Variants in SHH observed in about 807,000 individuals in gnomAD.
SHH encodes the protein sonic hedgehog signaling molecule.
Under a neutral mutation model 16.6 loss-of-function variants are expected in SHH, and 3 were observed. The ratio of observed to expected loss-of-function variants is 0.18; its 90% CI spans 0.08 to 0.47. The LOEUF (loss-of-function observed/expected upper bound fraction) is 0.47. Among genes scored for constraint, SHH ranks in the 20% least tolerant of loss-of-function variants. The pLI is 0.98. For synonymous variants in SHH, 351 were observed against 316.2 expected (o/e 1.11, Z -1.17); for missense variants, 499 against 665.0 (o/e 0.75, Z 2.75).
In SHH at chr7:155,812,303, C is replaced by T. The variant is rs945500832; in HGVS notation, c.-181G>A. 1.5e-6 allele frequency: 1 copy of T among 652,758 alleles called. No homozygotes were observed. The highest frequency in any genetic ancestry group is 2.7e-6 in the Non-Finnish European group (1 of 365,700). The allele number at this position is 652,758 out of a possible 1,614,324, so 40.4% of individuals were successfully genotyped here. On this transcript the variant is annotated 5_prime_UTR_variant, in exon 1 of 3. Coordinates refer to ENST00000297261, the MANE Select transcript of SHH (RefSeq NM_000193.4). ...TCTCTTCCTATATAACCTTGCCCGC[C>T]GCGGCTGCGGGGGACTCTCCACCGC...
At chr7:155,808,225 T>G (rs1200569868) in intron 1 of SHH, among the ~76,000 whole-genome samples, 2 of 152,070 alleles carry the variant, frequency 1.3e-5, no homozygotes, top group Non-Finnish European at 2.9e-5. Context: ...GAACGCGTTT[T>G]ACATGAAAAT....
In SHH at chr7:155,800,958, C is replaced by A. The variant is rs1459336803; in HGVS notation, c.*1942G>T. 4.3e-6 allele frequency: 1 copy of A among 230,640 alleles called. No homozygotes were observed. Among genetic ancestry groups the A allele is most frequent in the Admixed American group, 5.0e-5 (1 of 20,130 alleles). 14.3% of individuals were successfully genotyped at this position (230,640 alleles called of 1,614,324 possible). On this transcript the variant is annotated 3_prime_UTR_variant, in exon 3 of 3. Transcript: ENST00000297261. ...CTCATGCAGCGCAACTCTTCCAAGGCCCAGCCTGCTCAGACGATTCGGCCC... is the reference window on the plus strand; with the variant it reads ...CTCATGCAGCGCAACTCTTCCAAGGACCAGCCTGCTCAGACGATTCGGCCC...
intron 1 of SHH, chr7:155,806,925 G>A: frequency 3.0e-6 from 1 of 328,456 alleles, no homozygotes; most frequent in Non-Finnish European, 5.9e-6. Context: ...CACCCTCTGG[G>A]ATACCCGCCC....
At position 155,811,885 on chromosome 7, in the gene SHH, A is replaced by G; in HGVS notation, c.238T>C (p.Tyr80His). 1 of 1,614,012 alleles carries G rather than the reference A, an allele frequency of 6.2e-7. No homozygotes were observed. The highest frequency in any genetic ancestry group is 8.5e-7 in the Non-Finnish European group (1 of 1,180,000). The change falls in exon 1 of 3, where the codon TAC becomes CAC. Residue 80 changes from tyrosine to histidine, a missense_variant. Physicochemically the swap from Tyr to His is moderately conservative, Grantham distance 83 (BLOSUM62 2). Transcript: ENST00000297261. ...SERFKELTPN[Y>H]NPDIIFKDEE... ...TCCTTAAATATGATGTCGGGGTTGT[A>G]ATTGGGGGTGAGTTCCTTAAATCGC...
Position 155,802,886 on chromosome 7 carries a change from C to G in SHH, c.*14G>C. On this transcript the variant is annotated 3_prime_UTR_variant, in exon 3 of 3. Coordinates refer to ENST00000297261, the MANE Select transcript of SHH (RefSeq NM_000193.4). Reference sequence around the variant, plus strand: ...CCCCGCCCCCTCCCGCGCCCCTCCCCCGGCCCCCCGGCTTCAGCTGGACTT... The same window carrying G: ...CCCCGCCCCCTCCCGCGCCCCTCCCGCGGCCCCCCGGCTTCAGCTGGACTT... The G allele has an allele frequency of 7.5e-7, 1 of 1,327,774 alleles. No individual in the cohort carries two copies. The highest frequency in any genetic ancestry group is 9.7e-7 in the Non-Finnish European group (1 of 1,029,304). 82.2% of individuals were successfully genotyped at this position (1,327,774 alleles called of 1,614,324 possible).
Position 155,803,282 on chromosome 7 carries a change from G to A in SHH, c.1007C>T (p.Thr336Ile), listed in dbSNP as rs1160486091. Residue 336 changes from threonine (T) to isoleucine (I), a missense_variant, in exon 3 of 3, where the codon ACC becomes ATC. Transcript: ENST00000297261. ...RLLPAAVHSV[T>I]LSEEAAGAYA... ...GGCGCCCGCGGCCTCCTCGCTTAGG[G>A]TCACGCTGTGCACAGCGGCGGGCAG... 1.3e-6 allele frequency: 2 copies of A among 1,500,282 alleles called. No individual in the cohort carries two copies. Among genetic ancestry groups the A allele is most frequent in the African/African-American group, 1.4e-5 (1 of 69,184 alleles). 92.9% of individuals were successfully genotyped at this position (1,500,282 alleles called of 1,614,324 possible).
chr7:155,804,728 TCTGAGGCTCA>T (rs1170191793), intron 2 of SHH, among the ~76,000 whole-genome samples: 1 of 152,104 alleles, frequency 6.6e-6, no homozygotes, highest in Non-Finnish European at 1.5e-5. Context: ...TCTGTCGCTC[TCTGAGGCTCA>T]CTGTCCCCAG....
At position 155,803,086 on chromosome 7, in the gene SHH, G is replaced by C; in HGVS notation, c.1203C>G (p.Ser401Arg). 7.4e-7 allele frequency: 1 copy of C among 1,352,582 alleles called. No homozygotes were observed. The highest frequency in any genetic ancestry group is 9.5e-7 in the Non-Finnish European group (1 of 1,052,834). 83.8% of individuals were successfully genotyped at this position (1,352,582 alleles called of 1,614,324 possible). ...APARTDRGGD[S>R]GGGDRGGGGG... ...CGCCGCCCCCGCGGTCCCCGCCGCC[G>C]CTGTCCCCGCCGCGGTCCGTGCGCG... The change falls in exon 3 of 3, where the codon AGC (serine) becomes AGG (arginine). Residue 401 changes from serine to arginine, a missense_variant. This residue lies in a region of SHH where 299 missense variants were observed against 301.1 expected (regional missense o/e 0.99). Coordinates refer to ENST00000297261, the MANE Select transcript of SHH (RefSeq NM_000193.4).
chr7:155,803,454 C>A lies in SHH; in HGVS notation c.835G>T (p.Asp279Tyr), dbSNP rs1803256649. Residue 279 changes from aspartate (D) to tyrosine (Y), a missense_variant, in exon 3 of 3, where the codon GAC (aspartate) becomes TAC (tyrosine). By Grantham distance (160) the Asp-to-Tyr change is radical. This residue lies in a region of SHH where 299 missense variants were observed against 301.1 expected (regional missense o/e 0.99). Transcript: ENST00000297261. ...AHLLFVAPHN[D>Y]SATGEPEASS... is the part of the protein sequence containing the mutation. ...GCCTCGGGCTCCCCGGTGGCCGAGT[C>A]GTTGTGCGGCGCCACAAAGAGCAGG... 2.6e-6 allele frequency: 4 copies of A among 1,546,788 alleles called. No individual in the cohort carries two copies. Among genetic ancestry groups the A allele is most frequent in the Non-Finnish European group, 2.6e-6 (3 of 1,150,902 alleles).
rs1803236636 is a variant in SHH at position 155,803,073 on chromosome 7, G to T, written c.1216C>A (p.Arg406Ser). ...GCTACTCTGCCGCCGCCGCCCCCGC[G>T]GTCCCCGCCGCCGCTGTCCCCGCCG... Reference protein sequence around the residue: ...DRGGDSGGGDRGGGGGRVALT... With the variant: ...DRGGDSGGGDSGGGGGRVALT... Residue 406 changes from arginine to serine, a missense_variant, in exon 3 of 3, where the codon CGC (arginine) becomes AGC (serine). Physicochemically the swap from Arg to Ser is moderately radical, Grantham distance 110. This residue lies in a region of SHH where 299 missense variants were observed against 301.1 expected (regional missense o/e 0.99). Transcript: ENST00000297261. 7.3e-7 allele frequency: 1 copy of T among 1,373,572 alleles called. No individual in the cohort carries two copies. 85.1% of individuals were successfully genotyped at this position (1,373,572 alleles called of 1,614,324 possible).
intron 1 of SHH, 45 bp from the exon 2 acceptor site, chr7:155,806,602 G>T: frequency 6.2e-7 from 1 of 1,610,018 alleles, no homozygotes; most frequent in Non-Finnish European, 8.5e-7. Context: ...GTTAGCCTGG[G>T]CAACCGCCAC....
Position 155,800,394 on chromosome 7 carries a change from C to T in SHH, c.*2506G>A, listed in dbSNP as rs1422430550. On this transcript the variant is annotated 3_prime_UTR_variant, in exon 3 of 3. Coordinates refer to ENST00000297261, the MANE Select transcript of SHH (RefSeq NM_000193.4). ...CCACCCAGGAGTGAGGATTTCCCAT[C>T]CGGGTGAAGCTCTGCTCCAAGGTGC... is the stretch of plus-strand genomic sequence containing the variant. 5.2e-6 allele frequency: 2 copies of T among 386,418 alleles called. No homozygotes were observed. The highest frequency in any genetic ancestry group is 3.9e-5 in the South Asian group (2 of 51,586). The allele number at this position is 386,418 out of a possible 1,614,324, so 23.9% of individuals were successfully genotyped here.
chr7:155,809,483 C>G lies in SHH; in HGVS notation c.300+2340G>C, dbSNP rs2117146894. 6.6e-6 allele frequency among the ~76,000 whole-genome samples: 1 copy of G among 152,224 alleles called. No individual in the cohort carries two copies. The highest frequency in any genetic ancestry group is 2.1e-4 in the South Asian group (1 of 4,830). ...CTTCCCCATCCCTTCCTCCCCCACC[C>G]TTAACTCCTGGAATCGGGAGAAGGA... On this transcript the variant is annotated intron_variant, in intron 1 of 2. Transcript: ENST00000297261. The surrounding 1 kb of genome is among the most constrained non-coding windows in gnomAD (Gnocchi z 6.1).
In SHH at chr7:155,800,182, G is replaced by A; in HGVS notation, c.*2718C>T. On this transcript the variant is annotated 3_prime_UTR_variant, in exon 3 of 3. Transcript: ENST00000297261. ...GAAGTCGGCGCCTCGTCCTGGCGGGGCTGGGCTGCACCCTCTTGATGCCCT... is the reference window on the plus strand; with the variant it reads ...GAAGTCGGCGCCTCGTCCTGGCGGGACTGGGCTGCACCCTCTTGATGCCCT... The A allele has an allele frequency of 2.1e-6, 1 of 471,218 alleles. No homozygotes were observed. The highest frequency in any genetic ancestry group is 4.4e-6 in the Non-Finnish European group (1 of 227,096). The allele number at this position is 471,218 out of a possible 1,614,324, so 29.2% of individuals were successfully genotyped here.
At position 155,806,449 on chromosome 7, in the gene SHH, C is replaced by T. The variant is rs1803364772; in HGVS notation, c.409G>A (p.Glu137Lys). 1 of 1,613,770 alleles carries T rather than the reference C, an allele frequency of 6.2e-7. No homozygotes were observed. The highest frequency in any genetic ancestry group is 1.7e-5 in the Admixed American group (1 of 60,014). ...GWDEDGHHSE[E>K]SLHYEGRAVD... ...GCGCGGCCCTCGTAGTGCAGAGACT[C>T]CTCTGAGTGGTGGCCATCTTCGTCC... The change falls in exon 2 of 3, where the codon GAG becomes AAG. Residue 137 changes from glutamate to lysine, a missense_variant. Around this residue, in one of 4 missense-constraint regions of SHH, gnomAD observed 114 missense variants for 200.4 expected, o/e 0.57. Coordinates refer to ENST00000297261, the MANE Select transcript of SHH (RefSeq NM_000193.4).
Position 155,806,745 on chromosome 7 carries a change from A to G in SHH, c.301-188T>C. 3 of 751,634 alleles carry G rather than the reference A, an allele frequency of 4.0e-6. No homozygotes were observed. The South Asian group carries it at 4.6e-5, about 11-fold the overall frequency. 46.6% of individuals were successfully genotyped at this position (751,634 alleles called of 1,614,324 possible). A position where few individuals can be genotyped will look rare whatever the true frequency, so the allele number is the denominator to read the frequency against. On this transcript the variant is annotated intron_variant, in intron 1 of 2. Coordinates refer to ENST00000297261, the MANE Select transcript of SHH (RefSeq NM_000193.4). ...GGGCCCTGGGCTGGGGAAGAGGGAC[A>G]GCATTTGCGGAGGAGCGTGGAGGAG...
Position 155,807,547 on chromosome 7 carries a change from A to G in SHH, c.301-990T>C, listed in dbSNP as rs1334041582. On this transcript the variant is annotated intron_variant, in intron 1 of 2. Coordinates refer to ENST00000297261, the MANE Select transcript of SHH (RefSeq NM_000193.4). This position sits in a 1 kb window ranked among gnomAD's most constrained non-coding sequence, Gnocchi z 7.1. The stretch of plus-strand genomic sequence containing the variant: ...AGTTGCCTGGGAGGAGGCAGGAAAC[A>G]CTGACTAGGCAGATGCAGACGGGGT... Among the ~76,000 whole-genome samples the G allele has an allele frequency of 6.6e-6, 1 of 152,162 alleles. No homozygotes were observed. Among genetic ancestry groups the G allele is most frequent in the East Asian group, 1.9e-4 (1 of 5,186 alleles).
Position 155,807,948 on chromosome 7 carries a change from T to C in SHH, c.301-1391A>G, listed in dbSNP as rs2117142214. On this transcript the variant is annotated intron_variant, in intron 1 of 2. Transcript: ENST00000297261. This position sits in a 1 kb window ranked among gnomAD's most constrained non-coding sequence, Gnocchi z 7.1. ...ACTGTAGCGTGGGTTGGGGGGACTC[T>C]TTCGAGAGGGTGGGGCGAGGACGCT... 6.6e-6 allele frequency among the ~76,000 whole-genome samples: 1 copy of C among 152,180 alleles called. No homozygotes were observed.
rs1346923560 is a variant in SHH at position 155,812,240 on chromosome 7, G to T, written c.-118C>A. On this transcript the variant is annotated 5_prime_UTR_variant, in exon 1 of 3. Transcript: ENST00000297261. ...CGCTTTCCCTTCCTCGCTCCGGCTC[G>T]CCCGCTCGCTCTCTCCCTCGCTGGC... 9.2e-6 allele frequency: 9 copies of T among 978,410 alleles called. No individual in the cohort carries two copies. Among genetic ancestry groups the T allele is most frequent in the Non-Finnish European group, 1.3e-5 (8 of 620,842 alleles). The allele number at this position is 978,410 out of a possible 1,614,324, so 60.6% of individuals were successfully genotyped here. A position where few individuals can be genotyped will look rare whatever the true frequency, so the allele number is the denominator to read the frequency against.
Sources: gnomAD v4.1 joint callset for allele counts (sites outside exome capture counted in the v4.1 genomes callset) on GRCh38, gnomAD v4.1.1 for gene constraint, gnomAD v4.1.1 regional missense constraint, Gnocchi (gnomAD v3.1) non-coding constraint, MANE v1.5 for transcripts, NCBI Gene and HGNC (gene_info 2026-07-23, HGNC 2026-07-21) for gene names.